FANCL: variants seen among roughly 807,000 people sequenced by gnomAD.
FANCL encodes FA complementation group L.
FANCL carries 69 observed loss-of-function variants against 59.4 expected under a neutral mutation model. The ratio of observed to expected loss-of-function variants is 1.16; its 90% CI spans 0.96 to 1.42. The LOEUF (loss-of-function observed/expected upper bound fraction) is 1.42, where lower values mean the gene tolerates loss of function less well. FANCL is among the 40% of genes most tolerant of loss of function. FANCL has a pLI of 0.00. For missense variants in FANCL, 519 were observed against 447.2 expected, an observed-to-expected ratio of 1.16 and a Z score of -1.45; for synonymous variants, 180 against 147.1, an observed-to-expected ratio of 1.22 and a Z score of -1.62.
chr2:58,191,027 C>T (rs935408297), intron 7 of FANCL, among the ~76,000 whole-genome samples: 1 of 151,596 alleles, frequency 6.6e-6, no homozygotes, highest in Non-Finnish European at 1.5e-5. Flanking sequence ...CTCCAATGGG[C>T]ATGTTTTTCA....
intron 11 of FANCL, among the ~76,000 whole-genome samples, chr2:58,161,905 A>G (rs1685238428): frequency 6.6e-6 from 1 of 151,964 alleles, no homozygotes; most frequent in African/African-American, 2.4e-5. Flanking sequence ...TAGTTTTTAT[A>G]AAGGTGACTA....
Position 58,161,587 on chromosome 2 carries a change from T to G in FANCL, c.955A>C (p.Ile319Leu), listed in dbSNP as rs762238736. The G allele has an allele frequency of 6.2e-7, 1 of 1,611,612 alleles. No individual in the cohort carries two copies. The highest frequency in any genetic ancestry group is 8.5e-7 in the Non-Finnish European group (1 of 1,178,192). ...GAATTATCACACACTTGATCAGGAA[T>G]GGTACCGTCAAGTTGATAAGCATAA... ...ICYAYQLDGT[I>L]PDQVCDNSQC... The change falls in exon 12 of 14, where the codon ATT becomes CTT. Residue 319 changes from isoleucine to leucine, a missense_variant. Coordinates refer to ENST00000233741, the MANE Select transcript of FANCL (RefSeq NM_018062.4).
In FANCL at chr2:58,170,981, A is replaced by C. The variant is rs532040276; in HGVS notation, c.541-5107T>G. The stretch of plus-strand genomic sequence containing the variant: ...AGACAGATCAACGAGACACAAAATT[A>C]ACAAGGATATTCAGGAGTTGAACTC... On this transcript the variant is annotated intron_variant, in intron 7 of 13. Transcript: ENST00000233741. Among the ~76,000 whole-genome samples the C allele has an allele frequency of 8.3e-4, 126 of 152,258 alleles. 1 individual carries two copies. Among genetic ancestry groups the C allele is most frequent in the African/African-American group, 2.8e-3 (117 of 41,558 alleles).
chr2:58,236,513 A>C, intron 1 of FANCL, among the ~76,000 whole-genome samples: 1 of 151,926 alleles, frequency 6.6e-6, no homozygotes. Flanking sequence ...AAAGGAGATA[A>C]AACAGAATTA....
rs1693643812 is a variant in FANCL at position 58,232,118 on chromosome 2, G to C, written c.97-6C>G. 6.2e-7 allele frequency: 1 copy of C among 1,611,104 alleles called. No homozygotes were observed. The highest frequency in any genetic ancestry group is 8.5e-7 in the Non-Finnish European group (1 of 1,177,678). On this transcript the variant is annotated splice_polypyrimidine_tract_variant and splice_region_variant and intron_variant, in intron 1 of 13. Coordinates refer to ENST00000233741, the MANE Select transcript of FANCL (RefSeq NM_018062.4). ...CTAAGGTGGAAGTCTCTTCCCTGTGGAAAATATTGAAAAGGATCACTCAAA... is the reference window on the plus strand; with the variant it reads ...CTAAGGTGGAAGTCTCTTCCCTGTGCAAAATATTGAAAAGGATCACTCAAA...
chr2:58,181,006 A>G (rs1687887374), intron 7 of FANCL, among the ~76,000 whole-genome samples: 1 of 152,084 alleles, frequency 6.6e-6, no homozygotes, highest in Admixed American at 6.6e-5. Context: ...AAGATTTGAC[A>G]ATTTCTTTAA....
At position 58,229,883 on chromosome 2, in the gene FANCL, T is replaced by G. The variant is rs747258792; in HGVS notation, c.156-9A>C. 6.3e-7 allele frequency: 1 copy of G among 1,595,460 alleles called. No homozygotes were observed. Among genetic ancestry groups the G allele is most frequent in the African/African-American group, 1.3e-5 (1 of 74,530 alleles). ...GCCAACTACATAATAATCTAAAATT[T>G]TAATGAGACAAAATGGTTTATTCAT... is the stretch of plus-strand genomic sequence containing the variant. On this transcript the variant is annotated splice_polypyrimidine_tract_variant and intron_variant, in intron 2 of 13. Transcript: ENST00000233741.
At chr2:58,199,260 T>A (rs1689757219) in intron 6 of FANCL, among the ~76,000 whole-genome samples, 2 of 152,118 alleles carry the variant, frequency 1.3e-5, no homozygotes, top group South Asian at 4.1e-4. Flanking sequence ...AAGTTATGAT[T>A]TGAGGAATGA....
At chr2:58,198,945 C>A (rs1008732075) in intron 6 of FANCL, among the ~76,000 whole-genome samples, 1 of 149,472 alleles carries the variant, frequency 6.7e-6, no homozygotes, top group African/African-American at 2.5e-5. Context: ...AGGAGAATGG[C>A]GTGAACCTGG....
chr2:58,220,824 T>A (rs1009508406), intron 5 of FANCL, among the ~76,000 whole-genome samples: 2 of 152,288 alleles, frequency 1.3e-5, no homozygotes, highest in Non-Finnish European at 2.9e-5. Flanking sequence ...TCCTTCCACA[T>A]TGTACCTAAG....
intron 7 of FANCL, among the ~76,000 whole-genome samples, chr2:58,180,668 GC>G (rs1687847395): frequency 6.6e-6 from 1 of 151,926 alleles, no homozygotes; most frequent in African/African-American, 2.4e-5. Context: ...TAACAAACCT[GC>G]ACGTTCTGCA....
At chr2:58,200,761 G>A (rs2105117876) in intron 6 of FANCL, among the ~76,000 whole-genome samples, 1 of 151,888 alleles carries the variant, frequency 6.6e-6, no homozygotes, top group South Asian at 2.1e-4. Flanking sequence ...AAAAAAGCAA[G>A]TTAGAGTAAA....
upstream of FANCL, chr2:58,241,355 T>C (rs756503275): frequency 6.3e-7 from 1 of 1,594,800 alleles, no homozygotes; most frequent in South Asian, 1.1e-5. Context: ...CTAGACCTGC[T>C]GGGTCCTGCA....
upstream of FANCL, chr2:58,241,340 A>C (rs1337214006): frequency 3.1e-6 from 5 of 1,610,806 alleles, no homozygotes; most frequent in Admixed American, 1.7e-5. Context: ...AAACACAGAA[A>C]AGCTCTAGAC....
intron 7 of FANCL, among the ~76,000 whole-genome samples, chr2:58,189,803 T>G (rs369845485): frequency 2.0e-5 from 3 of 152,206 alleles, no homozygotes; most frequent in South Asian, 2.1e-4. Flanking sequence ...CAGAATGTGA[T>G]CTTTTGTGCT....
At chr2:58,174,350 ACAC>A (rs1687035892) in intron 7 of FANCL, among the ~76,000 whole-genome samples, 1 of 152,166 alleles carries the variant, frequency 6.6e-6, no homozygotes, top group Non-Finnish European at 1.5e-5. Flanking sequence ...TCTCAGCACC[ACAC>A]CACACCTGTT....
chr2:58,175,662 A>T (rs558339546), intron 7 of FANCL, among the ~76,000 whole-genome samples: 58 of 152,296 alleles, frequency 3.8e-4, no homozygotes, highest in African/African-American at 1.3e-3. Flanking sequence ...TCTATGACAA[A>T]CCCACAGCCA....
chr2:58,163,641 T>C, intron 8 of FANCL, 124 bp from the exon 9 acceptor site: 1 of 665,748 alleles, frequency 1.5e-6, no homozygotes, highest in Non-Finnish European at 2.8e-6. Context: ...ATTAACCAAA[T>C]GTTTTGTAGT....
chr2:58,159,900 GT>G, intron 13 of FANCL, 100 bp from the exon 14 acceptor site: 1 of 1,558,142 alleles, frequency 6.4e-7, no homozygotes. Context: ...TCATAGTACA[GT>G]TTGGAAAACA....
Sources: allele counts gnomAD v4.1 joint callset (sites outside exome capture counted in the v4.1 genomes callset), GRCh38; gene constraint gnomAD v4.1.1; transcripts MANE v1.5; gene names NCBI Gene and HGNC (gene_info 2026-07-23, HGNC 2026-07-21).